ZBTB20: variants seen among roughly 807,000 people sequenced by gnomAD.
ZBTB20 encodes the protein zinc finger and BTB domain-containing protein 20.
Under a neutral mutation model 56.9 loss-of-function variants are expected in ZBTB20, and 9 were observed. The ratio of observed to expected loss-of-function variants is 0.16; its 90% CI spans 0.10 to 0.28. The LOEUF is 0.28. Among genes scored for constraint, ZBTB20 ranks in the 10% least tolerant of loss-of-function variants. The pLI, the probability that ZBTB20 is intolerant of heterozygous loss-of-function variation, is 1.00. For missense variants in ZBTB20, 655 were observed against 1,003.0 expected (o/e 0.65, Z 4.69); for synonymous variants, 417 against 420.7 (o/e 0.99, Z 0.11).
intron 5 of ZBTB20, among the ~76,000 whole-genome samples, chr3:114,782,743 A>T (rs546904075): frequency 2.0e-5 from 3 of 152,280 alleles, no homozygotes; most frequent in Non-Finnish European, 4.4e-5. Flanking sequence ...TTTAGTAGAG[A>T]AGGTAATATT....
chr3:114,635,315 C>G (rs536543799), intron 6 of ZBTB20, among the ~76,000 whole-genome samples: 1 of 152,146 alleles, frequency 6.6e-6, no homozygotes, highest in East Asian at 1.9e-4. Flanking sequence ...ATATTAAGCA[C>G]CATGAACTGG....
At chr3:114,672,913 T>A (rs1020649060) in intron 6 of ZBTB20, among the ~76,000 whole-genome samples, 1 of 152,128 alleles carries the variant, frequency 6.6e-6, no homozygotes, top group African/African-American at 2.4e-5. Flanking sequence ...AAAATTCAGA[T>A]GTCAATGGCC....
chr3:114,553,673 A>G (rs1036295401), intron 6 of ZBTB20, among the ~76,000 whole-genome samples: 2 of 152,182 alleles, frequency 1.3e-5, no homozygotes, highest in African/African-American at 2.4e-5. Flanking sequence ...CTTAAACATA[A>G]TCAGATTTTA....
At chr3:114,812,480 T>C (rs1193865159) in intron 4 of ZBTB20, among the ~76,000 whole-genome samples, 7 of 152,068 alleles carry the variant, frequency 4.6e-5, no homozygotes, top group Non-Finnish European at 8.8e-5. Flanking sequence ...AGAGTGCCGA[T>C]TGGTGTATTT....
At chr3:114,875,854 G>A (rs753903467) in intron 4 of ZBTB20, among the ~76,000 whole-genome samples, 2 of 152,076 alleles carry the variant, frequency 1.3e-5, no homozygotes, top group East Asian at 1.9e-4. Context: ...GACACTTTAC[G>A]TACATGAGGT....
intron 7 of ZBTB20, among the ~76,000 whole-genome samples, chr3:114,417,798 A>C (rs2088727379): frequency 6.6e-6 from 1 of 152,030 alleles, no homozygotes; most frequent in Non-Finnish European, 1.5e-5. Context: ...TCTAGCCTTA[A>C]AGGAACTTTC....
At position 114,350,617 on chromosome 3, in the gene ZBTB20, C is replaced by G; in HGVS notation, c.1461G>C (p.Leu487=). 6.2e-7 allele frequency: 1 copy of G among 1,614,194 alleles called. No individual in the cohort carries two copies. Among genetic ancestry groups the G allele is most frequent in the Non-Finnish European group, 8.5e-7 (1 of 1,180,042 alleles). The part of the protein sequence containing the change: ...LRQTETLTSN[L]RMPLTLTSNT... Reference sequence around the variant, plus strand: ...TGCTGGTCAAGGTCAGAGGCATCCTCAGGTTGCTGGTGAGGGTTTCTGTCT... The same window carrying G: ...TGCTGGTCAAGGTCAGAGGCATCCTGAGGTTGCTGGTGAGGGTTTCTGTCT... Residue 487 remains leucine (L), a synonymous_variant, in exon 11 of 12, where the codon CTG becomes CTC. Transcript: ENST00000675478.
chr3:114,940,267 C>A lies in ZBTB20; in HGVS notation c.-456+34099G>T, dbSNP rs766325730. ...TGTCCCATGTCCTAAAGATACCTGT[C>A]CATTAAATACAGTGCATTTCATTGC... is the stretch of plus-strand genomic sequence containing the variant. On this transcript the variant is annotated intron_variant, in intron 3 of 11. Coordinates refer to ENST00000675478, the MANE Select transcript of ZBTB20 (RefSeq NM_001348800.3). Among the ~76,000 whole-genome samples, 9 of 146,364 alleles carry A rather than the reference C, an allele frequency of 6.1e-5. 1 individual carries two copies. The highest frequency in any genetic ancestry group is 2.0e-4 in the Admixed American group (3 of 15,172).
chr3:114,906,662 G>A (rs1329316168), intron 3 of ZBTB20, among the ~76,000 whole-genome samples: 1 of 151,402 alleles, frequency 6.6e-6, no homozygotes, highest in Non-Finnish European at 1.5e-5. Flanking sequence ...ATGGCATTTA[G>A]GAGAAGGGGC....
chr3:114,714,884 C>T (rs1428114767), intron 5 of ZBTB20, among the ~76,000 whole-genome samples: 1 of 152,178 alleles, frequency 6.6e-6, no homozygotes, highest in East Asian at 1.9e-4. Context: ...CCCAGGCAGG[C>T]AGAAAGATAG....
At chr3:114,618,316 C>T (rs970101729) in intron 6 of ZBTB20, among the ~76,000 whole-genome samples, 7 of 140,678 alleles carry the variant, frequency 5.0e-5, no homozygotes, top group African/African-American at 1.8e-4. Context: ...GTGGTGCAAT[C>T]ATAGCTCAAT....
chr3:114,734,790 G>A (rs2066016710), intron 5 of ZBTB20, among the ~76,000 whole-genome samples: 1 of 152,098 alleles, frequency 6.6e-6, no homozygotes, highest in African/African-American at 2.4e-5. Context: ...GGTCATGAGT[G>A]GATGGAGCCT....
chr3:114,664,168 T>C (rs547751001), intron 6 of ZBTB20, among the ~76,000 whole-genome samples: 46 of 152,218 alleles, frequency 3.0e-4, no homozygotes, highest in African/African-American at 1.1e-3. Context: ...TGAGGCTACA[T>C]ATAATCTCTC....
Position 114,706,085 on chromosome 3 carries a change from G to T in ZBTB20, c.-342-12510C>A, listed in dbSNP as rs189198679. Among the ~76,000 whole-genome samples the T allele has an allele frequency of 1.0e-3, 152 of 152,146 alleles. 1 individual carries two copies. The highest frequency in any genetic ancestry group is 1.9e-3 in the Non-Finnish European group (127 of 68,014). Reference sequence around the variant, plus strand: ...TATTATAGGAAGAATATGATGTAGAGAAAGAGAGAGAGAGAGAGAGACAGA... The same window carrying T: ...TATTATAGGAAGAATATGATGTAGATAAAGAGAGAGAGAGAGAGAGACAGA... On this transcript the variant is annotated intron_variant, in intron 5 of 11. Coordinates refer to ENST00000675478, the MANE Select transcript of ZBTB20 (RefSeq NM_001348800.3).
intron 7 of ZBTB20, chr3:114,453,597 G>A (rs1170421740): frequency 1.3e-5 from 2 of 152,048 alleles, no homozygotes; most frequent in Non-Finnish European, 2.9e-5. Context: ...CCCAGAAAGG[G>A]TAAAGACATG....
At chr3:115,064,848 A>C (rs1282280442) in intron 2 of ZBTB20, among the ~76,000 whole-genome samples, 1 of 152,108 alleles carries the variant, frequency 6.6e-6, no homozygotes, top group African/African-American at 2.4e-5. Context: ...TATGAGGCCT[A>C]TATTTCTCTC....
At chr3:115,130,783 T>C (rs2084482089) in intron 1 of ZBTB20, among the ~76,000 whole-genome samples, 1 of 152,200 alleles carries the variant, frequency 6.6e-6, no homozygotes, top group Admixed American at 6.5e-5. Flanking sequence ...TTTTTTGAGA[T>C]GGAGTTTCGC....
At chr3:114,793,716 T>G (rs2071142683) in intron 5 of ZBTB20, among the ~76,000 whole-genome samples, 2 of 152,002 alleles carry the variant, frequency 1.3e-5, no homozygotes, top group Non-Finnish European at 2.9e-5. Flanking sequence ...TGGATGTGGG[T>G]AGAATAATAG....
chr3:114,788,988 T>C (rs535145422), intron 5 of ZBTB20, among the ~76,000 whole-genome samples: 1 of 152,256 alleles, frequency 6.6e-6, no homozygotes, highest in Non-Finnish European at 1.5e-5. Context: ...GCCCCTGTGA[T>C]TCAAGTACCT....
Sources: gnomAD v4.1 joint callset for allele counts (sites outside exome capture counted in the v4.1 genomes callset) on GRCh38, gnomAD v4.1.1 for gene constraint, MANE v1.5 for transcripts, NCBI Gene and HGNC (gene_info 2026-07-23, HGNC 2026-07-21) for gene names.